ANK2: variants seen among roughly 807,000 people sequenced by gnomAD.
ANK2 encodes the protein ankyrin 2.
ANK2 carries 83 observed loss-of-function variants against 360.5 expected under a neutral mutation model. The observed-to-expected ratio is 0.23, with a 90% CI of 0.19 to 0.28. The LOEUF is 0.28. ANK2 is among the 10% of genes least tolerant of loss of function. The pLI, the probability that ANK2 is intolerant of heterozygous loss-of-function variation, is 1.00. For missense variants in ANK2, 4,201 were observed against 4,795.7 expected (o/e 0.88, Z 3.66); for synonymous variants, 1,740 against 1,759.5 (o/e 0.99, Z 0.28).
At chr4:113,245,070 A>G (rs1457950092) in intron 9 of ANK2, among the ~76,000 whole-genome samples, 1 of 152,092 alleles carries the variant, frequency 6.6e-6, no homozygotes, top group Non-Finnish European at 1.5e-5. Context: ...GGTTGCATTG[A>G]TCTTTTTTAG....
chr4:112,838,045 T>C (rs906684281), intron 1 of ANK2, among the ~76,000 whole-genome samples: 1 of 152,156 alleles, frequency 6.6e-6, no homozygotes, highest in Non-Finnish European at 1.5e-5. Flanking sequence ...TTTGGCTCTG[T>C]GTCCCCACCC....
chr4:113,357,135 C>T lies in ANK2; in HGVS notation c.8517C>T (p.Cys2839=). The change falls in exon 38 of 46, where the codon TGC becomes TGT. Residue 2839 remains cysteine (C), a synonymous_variant. Transcript: ENST00000357077. ...VSRAESPQAD[C]PSESFSSSSS... is the part of the protein sequence containing the mutation. ...GAGCAGAATCTCCACAAGCAGATTG[C>T]CCCAGTGAAAGCTTTTCATCTTCAT... The T allele has an allele frequency of 6.2e-7, 1 of 1,614,070 alleles. No homozygotes were observed.
At chr4:113,259,499 A>G (rs973841931) in intron 13 of ANK2, among the ~76,000 whole-genome samples, 1 of 151,974 alleles carries the variant, frequency 6.6e-6, no homozygotes, top group African/African-American at 2.4e-5. Context: ...GAAGTTTCTG[A>G]TGGCTAGGAA....
the ANK2 span, among the ~76,000 whole-genome samples, chr4:112,754,334 T>G: frequency 6.6e-6 from 1 of 151,198 alleles, no homozygotes; most frequent in South Asian, 2.1e-4. Context: ...GGCCCCGGTT[T>G]CCTTTTGCCA....
At chr4:113,020,171 AGTTTGTTGTT>A (rs1020494648) in intron 2 of ANK2, among the ~76,000 whole-genome samples, 3 of 152,062 alleles carry the variant, frequency 2.0e-5, no homozygotes, top group African/African-American at 7.2e-5. Flanking sequence ...CTTATGAAGC[AGTTTGTTGTT>A]GTTTGTTCAT....
chr4:113,258,273 C>A, intron 12 of ANK2, 40 bp from the exon 13 acceptor site: 3 of 1,601,870 alleles, frequency 1.9e-6, no homozygotes, highest in Admixed American at 1.7e-5. Context: ...AAAGCCCCAC[C>A]GGTGCAGAGG....
chr4:113,181,507 G>A (rs906335835), intron 2 of ANK2, among the ~76,000 whole-genome samples: 1 of 152,162 alleles, frequency 6.6e-6, no homozygotes, highest in Non-Finnish European at 1.5e-5. Flanking sequence ...GGATGGAGCA[G>A]TGCAGAGAGA....
chr4:112,852,341 A>T (rs143472167), intron 1 of ANK2, among the ~76,000 whole-genome samples: 38 of 152,288 alleles, frequency 2.5e-4, no homozygotes, highest in Non-Finnish European at 7.3e-5. Context: ...TCTAGATCAC[A>T]CCTCTGAGAT....
intron 10 of ANK2, among the ~76,000 whole-genome samples, chr4:113,251,673 G>A (rs1466652874): frequency 2.0e-5 from 3 of 151,216 alleles, no homozygotes; most frequent in Non-Finnish European, 2.9e-5. Flanking sequence ...TAGGAGAGAC[G>A]GGGTTTCACC....
At chr4:113,155,916 T>C (rs575708205) in intron 1 of ANK2, among the ~76,000 whole-genome samples, 27 of 152,348 alleles carry the variant, frequency 1.8e-4, no homozygotes, top group African/African-American at 6.3e-4. Flanking sequence ...GATCTACTTA[T>C]CGACTAAGCA....
At chr4:113,380,251 C>T (rs2097122564) in intron 45 of ANK2, among the ~76,000 whole-genome samples, 1 of 147,078 alleles carries the variant, frequency 6.8e-6, no homozygotes, top group Admixed American at 6.7e-5. Flanking sequence ...TTTTACTTTA[C>T]TCTAAAAAAA....
At chr4:113,350,328 T>G (rs1430401597) in intron 37 of ANK2, 79 bp downstream of exon 37, 2 of 1,215,684 alleles carry the variant, frequency 1.6e-6, no homozygotes, top group African/African-American at 3.0e-5. Flanking sequence ...GCAAGCTAGT[T>G]GCTATTACTA....
chr4:113,174,313 A>G lies in ANK2; in HGVS notation c.85-103A>G, dbSNP rs530204603. 5.9e-4 allele frequency: 571 copies of G among 969,020 alleles called. 1 individual carries two copies. Among genetic ancestry groups the G allele is most frequent in the Non-Finnish European group, 7.8e-4 (493 of 628,136 alleles). 60.0% of individuals were successfully genotyped at this position (969,020 alleles called of 1,614,324 possible). A position where few individuals can be genotyped will look rare whatever the true frequency, so the allele number is the denominator to read the frequency against. On this transcript the variant is annotated intron_variant, in intron 1 of 45. Coordinates refer to ENST00000357077, the MANE Select transcript of ANK2 (RefSeq NM_001148.6). ...ACTCCGTATTATTGAAATTTTTCCA[A>G]CTAAAGCTTTTCTGACTTCAGTGTA...
chr4:113,019,820 G>A (rs554988422), intron 2 of ANK2, among the ~76,000 whole-genome samples: 2 of 151,384 alleles, frequency 1.3e-5, no homozygotes, highest in South Asian at 2.1e-4. Context: ...CAGAATAATA[G>A]TGTATGTATT....
At chr4:113,305,339 C>CA (rs10667489) in intron 23 of ANK2, among the ~76,000 whole-genome samples, 4,329 of 96,896 alleles carry the variant, frequency 0.045, 322 homozygotes, top group African/African-American at 0.14. Flanking sequence ...GACTCCGTCT[C>CA]AAAAAAAAAA....
At chr4:113,347,820 A>G (rs1163319085) in intron 35 of ANK2, 1 of 176,640 alleles carries the variant, frequency 5.7e-6, no homozygotes. Flanking sequence ...AAAAAAAAAA[A>G]AGAAAGAATT....
upstream of ANK2, among the ~76,000 whole-genome samples, chr4:113,044,916 A>T (rs2063887407): frequency 6.6e-6 from 1 of 152,176 alleles, no homozygotes; most frequent in South Asian, 2.1e-4. Context: ...GGAAAAAAAA[A>T]TGCTTTGGTG....
At chr4:112,706,478 G>A in the ANK2 span, among the ~76,000 whole-genome samples, 81 of 151,974 alleles carry the variant, frequency 5.3e-4, no homozygotes, top group South Asian at 0.013. Context: ...ACTTCTGAAC[G>A]CACGCACACT....
At chr4:112,855,663 A>G (rs1560807038) in intron 1 of ANK2, among the ~76,000 whole-genome samples, 1 of 152,212 alleles carries the variant, frequency 6.6e-6, no homozygotes, top group Non-Finnish European at 1.5e-5. Context: ...GCTATGACTT[A>G]AGTACTATTC....
Sources: allele counts gnomAD v4.1 joint callset (sites outside exome capture counted in the v4.1 genomes callset), GRCh38; gene constraint gnomAD v4.1.1; transcripts MANE v1.5; gene names NCBI Gene and HGNC (gene_info 2026-07-23, HGNC 2026-07-21).